BTBD1: variants seen among roughly 807,000 people sequenced by gnomAD.
BTBD1 encodes BTB domain containing 1.
Under a neutral mutation model 48.0 loss-of-function variants are expected in BTBD1, and 34 were observed. The observed-to-expected ratio is 0.71, with a 90% CI of 0.54 to 0.94. BTBD1 has a LOEUF of 0.94. BTBD1 is among the 40% of genes least tolerant of loss of function. The pLI is 0.00. For missense variants in BTBD1, 543 were observed against 625.6 expected (o/e 0.87, Z 1.41); for synonymous variants, 261 against 242.1 (o/e 1.08, Z -0.72).
chr15:83,020,751 T>G lies in BTBD1; in HGVS notation c.1067A>C (p.Asn356Thr). Residue 356 changes from asparagine (N) to threonine (T), a missense_variant, in exon 6 of 8, where the codon AAT becomes ACT. Transcript: ENST00000261721. ...AAATCCAACTATAGAGATCCTTCTA[T>G]TAACTGTGAATCTGAGAGAAAGAAG... ...GTSDRIRFTV[N>T]RRISIVGFGL... The G allele has an allele frequency of 6.3e-7, 1 of 1,598,878 alleles. No individual in the cohort carries two copies. The highest frequency in any genetic ancestry group is 1.7e-4 in the Middle Eastern group (1 of 6,030).
chr15:83,037,401 A>T (rs187863348), intron 4 of BTBD1, among the ~76,000 whole-genome samples: 1 of 152,336 alleles, frequency 6.6e-6, no homozygotes, highest in East Asian at 1.9e-4. Context: ...AAAGTAATAC[A>T]ATTCAAAACA....
At chr15:83,031,938 G>A (rs575394785) in intron 4 of BTBD1, among the ~76,000 whole-genome samples, 5 of 152,300 alleles carry the variant, frequency 3.3e-5, no homozygotes, top group South Asian at 2.1e-4. Context: ...AGATGTTGGC[G>A]TGAATATGGT....
intron 3 of BTBD1, chr15:83,044,387 T>G: frequency 6.5e-7 from 1 of 1,541,910 alleles, no homozygotes; most frequent in Non-Finnish European, 8.8e-7. Flanking sequence ...GTTCAGCAGC[T>G]GGGAGGAAGA....
In BTBD1 at chr15:83,066,685, C is replaced by T. The variant is rs568873699; in HGVS notation, c.401+66G>A. On this transcript the variant is annotated intron_variant, in intron 1 of 7. Transcript: ENST00000261721. Reference sequence around the variant, plus strand: ...CCGGGAGTCCGGGTAGGCCGGGCCCCGGGGATCTCCCAGCCCGGCCCGGCC... The same window carrying T: ...CCGGGAGTCCGGGTAGGCCGGGCCCTGGGGATCTCCCAGCCCGGCCCGGCC... 2.3e-3 allele frequency: 2,910 copies of T among 1,267,386 alleles called. 66 individuals are homozygous for T. The African/African-American group carries it at 0.044, about 19-fold the overall frequency. The allele number at this position is 1,267,386 out of a possible 1,614,324, so 78.5% of individuals were successfully genotyped here. A position where few individuals can be genotyped will look rare whatever the true frequency, so the allele number is the denominator to read the frequency against.
chr15:83,064,822 C>G (rs1335450243), intron 1 of BTBD1, among the ~76,000 whole-genome samples: 1 of 152,160 alleles, frequency 6.6e-6, no homozygotes, highest in Non-Finnish European at 1.5e-5. Flanking sequence ...TCCTGGTGAA[C>G]TTTAAACTAA....
At chr15:83,030,079 G>A in intron 5 of BTBD1, 57 bp downstream of exon 5, 2 of 1,460,102 alleles carry the variant, frequency 1.4e-6, no homozygotes, top group East Asian at 2.3e-5. Context: ...ATATAAAAAA[G>A]GCCAAATGGT....
chr15:83,030,113 C>A, intron 5 of BTBD1, 23 bp downstream of exon 5: 1 of 1,610,866 alleles, frequency 6.2e-7, no homozygotes, highest in Non-Finnish European at 8.5e-7. Flanking sequence ...ACTCTACCCC[C>A]GCATCCCCAA....
At position 83,067,043 on chromosome 15, in the gene BTBD1, G is replaced by T; in HGVS notation, c.109C>A (p.Leu37Met). Residue 37 changes from leucine (L) to methionine (M), a missense_variant, in exon 1 of 8, where the codon CTG becomes ATG. Coordinates refer to ENST00000261721, the MANE Select transcript of BTBD1 (RefSeq NM_025238.4). ...PPPSPSSLGP[L>M]LPLQREPLYN... ...AGAGGTTCCCGCTGCAGGGGGAGCA[G>T]GGGCCCCAGAGAGGACGGTGAGGGC... 1 of 1,582,070 alleles carries T rather than the reference G, an allele frequency of 6.3e-7. No homozygotes were observed. The highest frequency in any genetic ancestry group is 8.6e-7 in the Non-Finnish European group (1 of 1,166,700).
chr15:83,028,232 T>G (rs1366299756), intron 5 of BTBD1, among the ~76,000 whole-genome samples: 1 of 152,222 alleles, frequency 6.6e-6, no homozygotes, highest in Non-Finnish European at 1.5e-5. Flanking sequence ...AGTATTCTTC[T>G]AGGCCTAATC....
intron 1 of BTBD1, chr15:83,061,598 G>A (rs1358293286): frequency 1.3e-5 from 2 of 152,266 alleles, no homozygotes; most frequent in African/African-American, 4.8e-5. Flanking sequence ...ATGCCTGGCA[G>A]CTCCTGCTTT....
intron 5 of BTBD1, among the ~76,000 whole-genome samples, chr15:83,021,819 C>T (rs575147491): frequency 1.3e-5 from 2 of 151,878 alleles, no homozygotes; most frequent in African/African-American, 4.8e-5. Context: ...TAATGTCTTA[C>T]ATTGCAAAAT....
intron 5 of BTBD1, among the ~76,000 whole-genome samples, chr15:83,026,768 C>T (rs759235287): frequency 9.9e-5 from 15 of 152,058 alleles, no homozygotes; most frequent in Non-Finnish European, 1.9e-4. Flanking sequence ...GTGATCCGCC[C>T]GCCTCGGCCT....
chr15:83,019,264 G>A (rs1176893981), intron 6 of BTBD1, among the ~76,000 whole-genome samples: 2 of 152,020 alleles, frequency 1.3e-5, no homozygotes, highest in African/African-American at 4.8e-5. Context: ...GTTTCATCAT[G>A]TTGGCCAGGC....
At position 83,018,150 on chromosome 15, in the gene BTBD1, A is replaced by C; in HGVS notation, c.1366T>G (p.Phe456Val). Residue 456 changes from phenylalanine (F) to valine (V), a missense_variant, in exon 8 of 8, where the codon TTT becomes GTT. Phe to Val is a conservative substitution (Grantham distance 50). Transcript: ENST00000261721. ...TTGCCAGGGGAACTAAAAAAGAAAA[A>C]AACAGTCTTGCTTGCAGCAGGTGTC... is the stretch of plus-strand genomic sequence containing the variant. ...HETPAASKTVFFFFSSPGNNN... is the reference protein window; with the variant it reads ...HETPAASKTVVFFFSSPGNNN... 2 of 1,613,018 alleles carry C rather than the reference A, an allele frequency of 1.2e-6. No homozygotes were observed. The highest frequency in any genetic ancestry group is 1.7e-6 in the Non-Finnish European group (2 of 1,179,508).
chr15:83,035,479 C>G (rs919951284), intron 4 of BTBD1, among the ~76,000 whole-genome samples: 9 of 150,446 alleles, frequency 6.0e-5, no homozygotes, highest in African/African-American at 2.2e-4. Flanking sequence ...ATTAAGTTAT[C>G]TATAATTTAT....
chr15:83,023,621 A>C (rs1436858640), intron 5 of BTBD1, among the ~76,000 whole-genome samples: 1 of 46,102 alleles, frequency 2.2e-5, no homozygotes, highest in Non-Finnish European at 4.6e-5. Flanking sequence ...CCTGGGCTCA[A>C]GTAAGTGATC....
At chr15:83,048,272 C>T (rs1295578645) in intron 3 of BTBD1, among the ~76,000 whole-genome samples, 1 of 152,116 alleles carries the variant, frequency 6.6e-6, no homozygotes, top group Non-Finnish European at 1.5e-5. Flanking sequence ...ACAGAAGAGT[C>T]CTCACAGACA....
chr15:83,044,358 C>T (rs1320598123), intron 3 of BTBD1: 46 of 1,498,704 alleles, frequency 3.1e-5, no homozygotes, highest in Non-Finnish European at 3.9e-5. Context: ...CCCGCCCGCC[C>T]GTGCCCACCA....
At chr15:83,061,921 T>C (rs1218272820) in intron 1 of BTBD1, 1 of 152,252 alleles carries the variant, frequency 6.6e-6, no homozygotes, top group Non-Finnish European at 1.5e-5. Flanking sequence ...GATGAGCCAG[T>C]GTGCAATTTT....
Sources: allele counts gnomAD v4.1 joint callset (sites outside exome capture counted in the v4.1 genomes callset), GRCh38; gene constraint gnomAD v4.1.1; transcripts MANE v1.5; gene names NCBI Gene and HGNC (gene_info 2026-07-23, HGNC 2026-07-21).